The following PNISR variants were observed in gnomAD, a reference collection of about 807,000 sequenced individuals.
PNISR encodes PNN interacting serine and arginine rich protein.
Under a neutral mutation model 93.4 loss-of-function variants are expected in PNISR, and 20 were observed. That is an observed-to-expected ratio of 0.21 (90% confidence interval 0.15 to 0.31). The LOEUF is 0.31. Among genes scored for constraint, PNISR ranks in the 10% least tolerant of loss-of-function variants. The probability of loss-of-function intolerance (pLI) is 1.00; values close to 1 mark genes in which losing one functional copy is unlikely to be tolerated. For synonymous variants in PNISR, 305 were observed against 306.5 expected (o/e 0.99, Z 0.05); for missense variants, 893 against 985.4 (o/e 0.91, Z 1.25).
chr6:99,413,391 TATCCATCCATCCATCCATCCATCC>T (rs34008318), intron 3 of PNISR, among the ~76,000 whole-genome samples: 1 of 149,500 alleles, frequency 6.7e-6, no homozygotes, highest in African/African-American at 2.5e-5. Flanking sequence ...TTTACGTATC[TATCCATCCATCCATCCATCCATCC>T]ATCCATCCAT....
chr6:99,410,678 G>T, intron 5 of PNISR, 63 bp downstream of exon 5: 1 of 1,174,820 alleles, frequency 8.5e-7, no homozygotes, highest in South Asian at 1.3e-5. Context: ...TTCTTGATGA[G>T]ACACTTCCAA....
rs1775447804 is a variant in PNISR, at chr6:99,401,206, GCTCT to G, written c.1748_1751del (p.Glu583AlafsTer6). On this transcript the variant is annotated frameshift_variant, in exon 12 of 12. Transcript: ENST00000369239. LOFTEE classifies it high-confidence loss of function. The stretch of plus-strand genomic sequence containing the variant: ...CTCTAATCTTTACCCTAGCCCTATT[GCTCT>G]CTATTTTAATTCTGCGAGAATAGCT... The G allele has an allele frequency of 1.2e-6, 2 of 1,613,764 alleles. No homozygotes were observed. Among genetic ancestry groups the G allele is most frequent in the Non-Finnish European group, 8.5e-7 (1 of 1,179,888 alleles).
intron 1 of PNISR, among the ~76,000 whole-genome samples, chr6:99,423,273 G>C (rs981778159): frequency 6.6e-6 from 1 of 152,090 alleles, no homozygotes; most frequent in African/African-American, 2.4e-5. Flanking sequence ...TATAAGTTAT[G>C]TAATAAACAT....
At chr6:99,404,788 A>AT (rs1038122397) in intron 8 of PNISR, 86 bp from the exon 9 acceptor site, 4,783 of 621,834 alleles carry the variant, frequency 7.7e-3, no homozygotes, top group East Asian at 9.3e-3. Flanking sequence ...ATGCAAAGCC[A>AT]TTTTTTTTTT....
chr6:99,410,850 C>A lies in PNISR; in HGVS notation c.392G>T (p.Ser131Ile). 6 of 1,614,062 alleles carry A rather than the reference C, an allele frequency of 3.7e-6. No individual in the cohort carries two copies. The highest frequency in any genetic ancestry group is 5.1e-6 in the Non-Finnish European group (6 of 1,179,950). Residue 131 changes from serine to isoleucine, a missense_variant, in exon 5 of 12, where the codon AGT becomes ATT. Around this residue, in one of 3 missense-constraint regions of PNISR, gnomAD observed 866 missense variants for 935.1 expected, o/e 0.93. Transcript: ENST00000369239. The stretch of plus-strand genomic sequence containing the variant: ...CCTGTTGTCAGGGGCAAATTCCCCA[C>A]TGTCCTGACTGTTGCTGTCTTCAGA... The part of the protein sequence containing the change: ...PPSEDSNSQD[S>I]GEFAPDNRHI...
chr6:99,406,480 T>C lies in PNISR; in HGVS notation c.865-312A>G, dbSNP rs1467663405. Among the ~76,000 whole-genome samples the C allele has an allele frequency of 2.6e-5, 4 of 152,300 alleles. No individual in the cohort carries two copies. In the East Asian group the frequency reaches 7.7e-4, roughly 29 times the overall value. On this transcript the variant is annotated intron_variant, in intron 7 of 11. Coordinates refer to ENST00000369239, the MANE Select transcript of PNISR (RefSeq NM_032870.4). ...AATGCCCAGAGACTGATTTAATTAC[T>C]ATCTATTACATATAATGGGCCTGAA...
Position 99,403,812 on chromosome 6 carries a change from A to C in PNISR, c.1156+17T>G, listed in dbSNP as rs1196618352. On this transcript the variant is annotated intron_variant, in intron 10 of 11. Coordinates refer to ENST00000369239, the MANE Select transcript of PNISR (RefSeq NM_032870.4). The stretch of plus-strand genomic sequence containing the variant: ...TTTTTCCCTTTAGGCCCTCTCACAA[A>C]TATGGAAAACACTTACCGAGTCCAG... The C allele has an allele frequency of 6.2e-7, 1 of 1,605,172 alleles. No individual in the cohort carries two copies. The highest frequency in any genetic ancestry group is 1.1e-5 in the South Asian group (1 of 90,752).
chr6:99,416,493 G>C (rs1777717209), intron 1 of PNISR, 65 bp from the exon 2 acceptor site: 3 of 511,740 alleles, frequency 5.9e-6, no homozygotes, highest in Admixed American at 8.8e-5. Flanking sequence ...ATAAATTCTA[G>C]AGATGCAACA....
chr6:99,400,648 T>G lies in PNISR; in HGVS notation c.2310A>C (p.Glu770Asp). Reference sequence around the variant, plus strand: ...TATGTTTAGGCTTCTTAGCCTTCTTTTCTTTGCTACTTCCTGGAGACTCAG... The same window carrying G: ...TATGTTTAGGCTTCTTAGCCTTCTTGTCTTTGCTACTTCCTGGAGACTCAG... Reference protein sequence around the residue: ...SSSESPGSSKEKKAKKPKHSR... With the variant: ...SSSESPGSSKDKKAKKPKHSR... The change falls in exon 12 of 12, where the codon GAA becomes GAC. Residue 770 changes from glutamate to aspartate, a missense_variant. Glu to Asp is a conservative substitution (Grantham distance 45). This residue lies in a region of PNISR where 866 missense variants were observed against 935.1 expected (regional missense o/e 0.93). Coordinates refer to ENST00000369239, the MANE Select transcript of PNISR (RefSeq NM_032870.4). 6.2e-7 allele frequency: 1 copy of G among 1,614,116 alleles called. No individual in the cohort carries two copies.
At position 99,409,056 on chromosome 6, in the gene PNISR, G is replaced by C. The variant is rs901430201; in HGVS notation, c.673+117C>G. The C allele has an allele frequency of 5.3e-6, 4 of 750,712 alleles. No individual in the cohort carries two copies. In the African/African-American group the frequency reaches 7.1e-5, roughly 13 times the overall value. The allele number at this position is 750,712 out of a possible 1,614,324, so 46.5% of individuals were successfully genotyped here. ...AAGCTTTATGACCATAAAAAATAAA[G>C]TGTCAATTCCTAACACATCAGAGAT... On this transcript the variant is annotated intron_variant, in intron 6 of 11. Transcript: ENST00000369239.
At chr6:99,417,795 C>T (rs952622655) in intron 1 of PNISR, among the ~76,000 whole-genome samples, 3 of 151,678 alleles carry the variant, frequency 2.0e-5, no homozygotes, top group Non-Finnish European at 4.4e-5. Flanking sequence ...GTGAAACCCC[C>T]GTCTCTACTA....
At chr6:99,407,307 G>A (rs1323465739) in intron 7 of PNISR, among the ~76,000 whole-genome samples, 9 of 143,710 alleles carry the variant, frequency 6.3e-5, no homozygotes, top group Non-Finnish European at 6.0e-5. Flanking sequence ...GCAACAGAGT[G>A]AGACCCTGAT....
chr6:99,411,321 C>T (rs1776880624), intron 4 of PNISR, among the ~76,000 whole-genome samples: 13 of 152,154 alleles, frequency 8.5e-5, no homozygotes, highest in Admixed American at 8.5e-4. Flanking sequence ...CTTACACGAA[C>T]ACATTTATCC....
At position 99,402,612 on chromosome 6, in the gene PNISR, T is replaced by C; in HGVS notation, c.1255A>G (p.Ile419Val). 1 of 1,613,796 alleles carries C rather than the reference T, an allele frequency of 6.2e-7. No homozygotes were observed. Among genetic ancestry groups the C allele is most frequent in the South Asian group, 1.1e-5 (1 of 91,060 alleles). Residue 419 changes from isoleucine to valine, a missense_variant, in exon 11 of 12, where the codon ATC (isoleucine) becomes GTC (valine). Ile to Val is a conservative substitution (Grantham distance 29). Coordinates refer to ENST00000369239, the MANE Select transcript of PNISR (RefSeq NM_032870.4). The part of the protein sequence containing the change: ...DTDDEELRHR[I>V]RQKQEAFWRK... Reference sequence around the variant, plus strand: ...CAAAAAGCTTCCTGTTTTTGCCGGATTCGATGCCGTAATTCTTCATCATCA... The same window carrying C: ...CAAAAAGCTTCCTGTTTTTGCCGGACTCGATGCCGTAATTCTTCATCATCA...
chr6:99,419,191 G>GAAA (rs1778206585), intron 1 of PNISR, among the ~76,000 whole-genome samples: 1 of 56,020 alleles, frequency 1.8e-5, no homozygotes, highest in Non-Finnish European at 3.9e-5. Flanking sequence ...AAAAAAAAAA[G>GAAA]GGCAATTTAC....
chr6:99,411,099 C>A, intron 4 of PNISR, 135 bp from the exon 5 acceptor site: 1 of 649,006 alleles, frequency 1.5e-6, no homozygotes, highest in Non-Finnish European at 2.7e-6. Context: ...TGGTCAAATT[C>A]CTTTTGTTTA....
chr6:99,420,075 G>C (rs994325824), intron 1 of PNISR, among the ~76,000 whole-genome samples: 2 of 152,130 alleles, frequency 1.3e-5, no homozygotes, highest in African/African-American at 4.8e-5. Flanking sequence ...AGTGGAGACA[G>C]GGTTTCACCC....
intron 3 of PNISR, 65 bp downstream of exon 3, chr6:99,414,507 C>G (rs1285550382): frequency 5.4e-5 from 43 of 800,570 alleles, no homozygotes; most frequent in Non-Finnish European, 8.3e-5. Context: ...TTAATCCCAT[C>G]ATGTGTCTTC....
In PNISR at chr6:99,400,993, C is replaced by A; in HGVS notation, c.1965G>T (p.Lys655Asn). 6.2e-7 allele frequency: 1 copy of A among 1,613,276 alleles called. No homozygotes were observed. Among genetic ancestry groups the A allele is most frequent in the South Asian group, 1.1e-5 (1 of 91,056 alleles). ...QRGNLSGNSHKHKGEAKEQER... is the reference protein window; with the variant it reads ...QRGNLSGNSHNHKGEAKEQER... ...CTTGTTCTTTAGCCTCACCTTTATG[C>A]TTATGACTGTTCCCACTAAGATTTC... is the stretch of plus-strand genomic sequence containing the variant. The change falls in exon 12 of 12, where the codon AAG becomes AAT. Residue 655 changes from lysine to asparagine, a missense_variant. Around this residue, in one of 3 missense-constraint regions of PNISR, gnomAD observed 866 missense variants for 935.1 expected, o/e 0.93. Transcript: ENST00000369239.
Sources: allele counts gnomAD v4.1 joint callset (sites outside exome capture counted in the v4.1 genomes callset), GRCh38; gene constraint gnomAD v4.1.1; regional missense constraint gnomAD v4.1.1; transcripts MANE v1.5; gene names NCBI Gene and HGNC (gene_info 2026-07-23, HGNC 2026-07-21).